The following UPF2 variants were observed in gnomAD, a reference collection of about 807,000 sequenced individuals.
UPF2 encodes the protein regulator of nonsense transcripts 2.
Under a neutral mutation model 141.4 loss-of-function variants are expected in UPF2, and 17 were observed. The ratio of observed to expected loss-of-function variants is 0.12; its 90% confidence interval spans 0.08 to 0.18. The LOEUF (loss-of-function observed/expected upper bound fraction) is 0.18. Ranked by LOEUF, UPF2 falls within the 10% of genes least tolerant of loss-of-function variation. UPF2 has a pLI of 1.00. For synonymous variants in UPF2, 540 were observed against 498.0 expected (o/e 1.08, Z -1.12); for missense variants, 1,152 against 1,515.9 (o/e 0.76, Z 3.99).
At chr10:12,018,289 A>C (rs369004131) in intron 3 of UPF2, among the ~76,000 whole-genome samples, 41 of 152,182 alleles carry the variant, frequency 2.7e-4, no homozygotes, top group Non-Finnish European at 4.7e-4. Flanking sequence ...CTTTACAAAA[A>C]ATACAAAAAT....
intron 3 of UPF2, among the ~76,000 whole-genome samples, chr10:12,015,535 C>G (rs1381884377): frequency 1.3e-5 from 2 of 152,122 alleles, no homozygotes; most frequent in Admixed American, 6.6e-5. Context: ...AACCTCGTCT[C>G]TACTAAAAAT....
chr10:11,957,016 T>C (rs1833162943), intron 12 of UPF2, among the ~76,000 whole-genome samples: 2 of 152,196 alleles, frequency 1.3e-5, no homozygotes. Flanking sequence ...AGGCGAGATC[T>C]TCCTATGTTG....
chr10:11,961,056 C>T lies in UPF2; in HGVS notation c.2185-1700G>A, dbSNP rs1057320904. 9.3e-5 allele frequency among the ~76,000 whole-genome samples: 14 copies of T among 149,762 alleles called. No individual in the cohort carries two copies. In the East Asian group the frequency reaches 1.8e-3, roughly 19 times the overall value. On this transcript the variant is annotated intron_variant, in intron 11 of 21. Coordinates refer to ENST00000357604, the MANE Select transcript of UPF2 (RefSeq NM_015542.4). The stretch of plus-strand genomic sequence containing the variant: ...AGTGAGCTATAATCACACCACTGCA[C>T]TCCAGCCTGGGCAACAGCGGGAGAC...
chr10:11,943,912 G>C (rs917010024), intron 16 of UPF2, among the ~76,000 whole-genome samples: 1 of 149,706 alleles, frequency 6.7e-6, no homozygotes, highest in Non-Finnish European at 1.5e-5. Context: ...ATTTTCAAAG[G>C]GCACAAAGCA....
At chr10:12,038,180 T>A (rs1185139191) in intron 1 of UPF2, among the ~76,000 whole-genome samples, 1 of 151,890 alleles carries the variant, frequency 6.6e-6, no homozygotes, top group Non-Finnish European at 1.5e-5. Context: ...GTCAGGAGTT[T>A]GAGTCCAGCC....
rs1420580735 is a variant in UPF2 at position 11,939,165 on chromosome 10, C to T, written c.3379-2453G>A. Among the ~76,000 whole-genome samples the T allele has an allele frequency of 6.6e-6, 1 of 152,098 alleles. No homozygotes were observed. Among genetic ancestry groups the T allele is most frequent in the Non-Finnish European group, 1.5e-5 (1 of 68,026 alleles). The stretch of plus-strand genomic sequence containing the variant: ...GATTACAGGCATTGAGCCACTGTGC[C>T]TGGCCAGCAAGTTTCTTGTCTTTCC... On this transcript the variant is annotated intron_variant, in intron 18 of 21. Coordinates refer to ENST00000357604, the MANE Select transcript of UPF2 (RefSeq NM_015542.4). This position sits in a 1 kb window ranked among gnomAD's most constrained non-coding sequence, Gnocchi z 4.8.
At chr10:12,020,007 G>T (rs1179501424) in intron 3 of UPF2, among the ~76,000 whole-genome samples, 1 of 152,116 alleles carries the variant, frequency 6.6e-6, no homozygotes, top group African/African-American at 2.4e-5. Context: ...TTACAGGCAT[G>T]AGCCACCACG....
Position 11,939,765 on chromosome 10 carries a change from C to T in UPF2, c.3378+2900G>A, listed in dbSNP as rs1335376445. 6.6e-6 allele frequency among the ~76,000 whole-genome samples: 1 copy of T among 152,136 alleles called. No individual in the cohort carries two copies. The highest frequency in any genetic ancestry group is 2.1e-4 in the South Asian group (1 of 4,836). On this transcript the variant is annotated intron_variant, in intron 18 of 21. Transcript: ENST00000357604. The surrounding 1 kb of genome is among the most constrained non-coding windows in gnomAD (Gnocchi z 4.8). ...CTCCTGACCTCAGGTGATCCACCCG[C>T]CTCGGCCTCCCAAAGTGCTGGGATT...
chr10:11,996,286 T>C (rs997897505), intron 8 of UPF2, among the ~76,000 whole-genome samples: 3 of 152,190 alleles, frequency 2.0e-5, no homozygotes, highest in African/African-American at 7.2e-5. Context: ...ACGAGATCTA[T>C]TTCTCATGGC....
chr10:12,008,827 A>C (rs1403180701), intron 4 of UPF2, among the ~76,000 whole-genome samples: 1 of 151,844 alleles, frequency 6.6e-6, no homozygotes, highest in Non-Finnish European at 1.5e-5. Context: ...ATTTGTCCTA[A>C]TGCTCTCCCT....
rs140983903 is a variant in UPF2 at position 11,992,574 on chromosome 10, T to G, written c.1844+5098A>C. ...CCTAAAACCAAGAAACATACACTCA[T>G]GCGTGCACACTAAATTAAAAAATAT... On this transcript the variant is annotated intron_variant, in intron 8 of 21. Transcript: ENST00000357604. The surrounding 1 kb of genome is among the most constrained non-coding windows in gnomAD (Gnocchi z 4.1). Among the ~76,000 whole-genome samples, 4 of 152,136 alleles carry G rather than the reference T, an allele frequency of 2.6e-5. No homozygotes were observed. Among genetic ancestry groups the G allele is most frequent in the African/African-American group, 9.6e-5 (4 of 41,544 alleles).
rs916194027 is a variant in UPF2 at position 11,940,127 on chromosome 10, G to A, written c.3378+2538C>T. On this transcript the variant is annotated intron_variant, in intron 18 of 21. Coordinates refer to ENST00000357604, the MANE Select transcript of UPF2 (RefSeq NM_015542.4). The surrounding 1 kb of genome is among the most constrained non-coding windows in gnomAD (Gnocchi z 4.2). ...TATTTTGATAATGCTGAAAAACTAG[G>A]GCCTAATATAGAATTAAGTTTTTCT... 1.7e-4 allele frequency among the ~76,000 whole-genome samples: 26 copies of A among 152,054 alleles called. No individual in the cohort carries two copies. The highest frequency in any genetic ancestry group is 6.3e-4 in the African/African-American group (26 of 41,384).
At position 11,998,761 on chromosome 10, in the gene UPF2, G is replaced by A. The variant is rs1588560794; in HGVS notation, c.1759-1004C>T. 2.0e-5 allele frequency among the ~76,000 whole-genome samples: 3 copies of A among 152,134 alleles called. No homozygotes were observed. In the South Asian group the frequency reaches 6.2e-4, roughly 32 times the overall value. Reference sequence around the variant, plus strand: ...CCCAGCTACTCGGGAGGCTGAGGCAGGAGAATGGCGTGAACCCGGGAGGCG... The same window carrying A: ...CCCAGCTACTCGGGAGGCTGAGGCAAGAGAATGGCGTGAACCCGGGAGGCG... On this transcript the variant is annotated intron_variant, in intron 7 of 21. Transcript: ENST00000357604. The surrounding 1 kb of genome is among the most constrained non-coding windows in gnomAD (Gnocchi z 4.5).
At chr10:11,971,939 CT>C (rs1417910197) in intron 9 of UPF2, among the ~76,000 whole-genome samples, 1 of 151,936 alleles carries the variant, frequency 6.6e-6, no homozygotes, top group Non-Finnish European at 1.5e-5. Context: ...TGGCCTGTGC[CT>C]GTAGTCCCAG....
intron 21 of UPF2, among the ~76,000 whole-genome samples, chr10:11,928,212 C>T (rs767075549): frequency 1.6e-4 from 24 of 152,068 alleles, no homozygotes; most frequent in Non-Finnish European, 2.6e-4. Flanking sequence ...GGGTGGGCAC[C>T]TGTAATACCA....
Position 11,931,493 on chromosome 10 carries a change from A to C in UPF2, c.3688+148T>G. ...GAAAATTATATTATTGTTATTTTAC[A>C]AATAAGTGAAAGAAAAACAGTGGGA... On this transcript the variant is annotated intron_variant, in intron 20 of 21. Coordinates refer to ENST00000357604, the MANE Select transcript of UPF2 (RefSeq NM_015542.4). The surrounding 1 kb of genome is among the most constrained non-coding windows in gnomAD (Gnocchi z 5.9). 1.1e-6 allele frequency: 1 copy of C among 891,224 alleles called. No homozygotes were observed. The highest frequency in any genetic ancestry group is 2.5e-5 in the South Asian group (1 of 40,656). The allele number at this position is 891,224 out of a possible 1,614,324, so 55.2% of individuals were successfully genotyped here.
At chr10:11,955,024 TAA>T (rs746584714) in intron 14 of UPF2, among the ~76,000 whole-genome samples, 104 of 152,010 alleles carry the variant, frequency 6.8e-4, no homozygotes, top group Non-Finnish European at 1.2e-3. Context: ...TTATCAATCA[TAA>T]AAGTTATATG....
At chr10:11,995,272 G>A (rs1833847809) in intron 8 of UPF2, among the ~76,000 whole-genome samples, 1 of 152,138 alleles carries the variant, frequency 6.6e-6, no homozygotes, top group Non-Finnish European at 1.5e-5. Context: ...AACAGTATTC[G>A]AGAAACCATT....
At chr10:11,995,271 C>A (rs1588559039) in intron 8 of UPF2, among the ~76,000 whole-genome samples, 1 of 152,008 alleles carries the variant, frequency 6.6e-6, no homozygotes, top group African/African-American at 2.4e-5. Context: ...AAACAGTATT[C>A]GAGAAACCAT....
Sources: gnomAD v4.1 joint callset for allele counts (sites outside exome capture counted in the v4.1 genomes callset) on GRCh38, gnomAD v4.1.1 for gene constraint, Gnocchi (gnomAD v3.1) non-coding constraint, MANE v1.5 for transcripts, NCBI Gene and HGNC (gene_info 2026-07-23, HGNC 2026-07-21) for gene names.